The following EXT1 variants were observed in gnomAD, a reference collection of about 807,000 sequenced individuals.
EXT1 encodes the protein exostosin glycosyltransferase 1.
Under a neutral mutation model 82.5 loss-of-function variants are expected in EXT1, and 20 were observed. The observed-to-expected ratio is 0.24, with a 90% CI of 0.17 to 0.35. The LOEUF (loss-of-function observed/expected upper bound fraction) is 0.35. EXT1 is among the 10% of genes least tolerant of loss of function. The pLI is 1.00. For synonymous variants in EXT1, 348 were observed against 350.8 expected (o/e 0.99, Z 0.09); for missense variants, 757 against 936.5 (o/e 0.81, Z 2.50).
chr8:117,909,827 G>C (rs1284344463), intron 1 of EXT1, among the ~76,000 whole-genome samples: 1 of 152,064 alleles, frequency 6.6e-6, no homozygotes, highest in Non-Finnish European at 1.5e-5. Flanking sequence ...GAGTACAATG[G>C]TGCAATCTCA....
At chr8:118,077,876 G>A (rs993372728) in intron 1 of EXT1, among the ~76,000 whole-genome samples, 1 of 151,796 alleles carries the variant, frequency 6.6e-6, no homozygotes, top group African/African-American at 2.4e-5. Context: ...TTATAATTTC[G>A]ATTGTGTTCT....
At chr8:118,087,675 A>C (rs1817447294) in intron 1 of EXT1, among the ~76,000 whole-genome samples, 1 of 152,132 alleles carries the variant, frequency 6.6e-6, no homozygotes. Context: ...CTTTTACTAC[A>C]ACAGAAAAAA....
At chr8:118,044,742 T>C (rs1281228647) in intron 1 of EXT1, among the ~76,000 whole-genome samples, 1 of 152,162 alleles carries the variant, frequency 6.6e-6, no homozygotes, top group Non-Finnish European at 1.5e-5. Context: ...TCTTACTCTA[T>C]TACCCAGGCT....
intron 1 of EXT1, among the ~76,000 whole-genome samples, chr8:118,014,335 CA>C (rs1450548941): frequency 6.6e-6 from 1 of 152,164 alleles, no homozygotes; most frequent in Non-Finnish European, 1.5e-5. Context: ...CCCTTTATCC[CA>C]CCCAAAAAGG....
chr8:117,830,015 C>T (rs980020751), intron 4 of EXT1, among the ~76,000 whole-genome samples: 54 of 152,220 alleles, frequency 3.5e-4, no homozygotes, highest in Middle Eastern at 3.4e-3. Context: ...ATAATTTCTC[C>T]CCATGTAGGT....
At chr8:118,064,960 C>A (rs1816951787) in intron 1 of EXT1, among the ~76,000 whole-genome samples, 1 of 150,570 alleles carries the variant, frequency 6.6e-6, no homozygotes, top group Non-Finnish European at 1.5e-5. Flanking sequence ...TCAAGCGATT[C>A]TCCTGCCTCA....
chr8:117,872,736 G>A (rs1178782591), intron 1 of EXT1, among the ~76,000 whole-genome samples: 1 of 150,476 alleles, frequency 6.6e-6, no homozygotes, highest in African/African-American at 2.4e-5. Context: ...ATGTGTTTTG[G>A]TATCTTATTT....
rs182810310 is a variant in EXT1, at chr8:118,035,943, C to T, written c.962+74142G>A. Among the ~76,000 whole-genome samples, 396 of 152,332 alleles carry T rather than the reference C, an allele frequency of 2.6e-3. 2 individuals carry two copies. Among genetic ancestry groups the T allele is most frequent in the African/African-American group, 9.2e-3 (384 of 41,576 alleles). ...CTTTGACCTGCAGAGATAATTTACT[C>T]ATCTCTCTTCCACTACTGTAACCTA... On this transcript the variant is annotated intron_variant, in intron 1 of 10. Coordinates refer to ENST00000378204, the MANE Select transcript of EXT1 (RefSeq NM_000127.3).
At chr8:117,951,919 T>C (rs1814497827) in intron 1 of EXT1, among the ~76,000 whole-genome samples, 1 of 152,224 alleles carries the variant, frequency 6.6e-6, no homozygotes, top group Non-Finnish European at 1.5e-5. Flanking sequence ...CACTCATTTA[T>C]GTAAGATCTA....
chr8:118,011,936 C>T (rs566765568), intron 1 of EXT1, among the ~76,000 whole-genome samples: 8 of 152,208 alleles, frequency 5.3e-5, no homozygotes, highest in Admixed American at 1.3e-4. Context: ...CTACAGAGAG[C>T]GCGAGAGAAC....
At chr8:117,896,107 C>T (rs1813331189) in intron 1 of EXT1, among the ~76,000 whole-genome samples, 1 of 152,196 alleles carries the variant, frequency 6.6e-6, no homozygotes, top group African/African-American at 2.4e-5. Context: ...TTTCTACCTA[C>T]ACAGAAAACA....
chr8:117,822,189 T>C (rs1234987399), intron 5 of EXT1, among the ~76,000 whole-genome samples: 3 of 152,152 alleles, frequency 2.0e-5, no homozygotes, highest in Non-Finnish European at 4.4e-5. Context: ...ATGTTCAAAA[T>C]GATCCATAAT....
intron 1 of EXT1, among the ~76,000 whole-genome samples, chr8:118,109,641 C>T (rs1817857369): frequency 6.6e-6 from 1 of 152,010 alleles, no homozygotes. Flanking sequence ...TAGGTACCCC[C>T]GCTCATGAGA....
chr8:117,811,254 CT>C (rs1261620181), intron 8 of EXT1, among the ~76,000 whole-genome samples: 10 of 152,212 alleles, frequency 6.6e-5, no homozygotes, highest in Non-Finnish European at 1.3e-4. Flanking sequence ...TCAATAAATA[CT>C]TGTTGAATGA....
intron 1 of EXT1, among the ~76,000 whole-genome samples, chr8:117,965,079 ATTTACTC>A (rs1315186525): frequency 1.3e-5 from 2 of 152,234 alleles, no homozygotes; most frequent in Non-Finnish European, 2.9e-5. Context: ...TTTAACTATA[ATTTACTC>A]TCAATACCCT....
chr8:117,895,797 C>T (rs1813324693), intron 1 of EXT1, among the ~76,000 whole-genome samples: 1 of 152,202 alleles, frequency 6.6e-6, no homozygotes, highest in Non-Finnish European at 1.5e-5. Flanking sequence ...AAACACTAAT[C>T]ATGTCCTCCT....
chr8:117,874,537 C>T (rs920738725), intron 1 of EXT1, among the ~76,000 whole-genome samples: 1 of 137,872 alleles, frequency 7.3e-6, no homozygotes, highest in African/African-American at 2.7e-5. Flanking sequence ...GATCGTGCCA[C>T]TTCACTCCAG....
intron 1 of EXT1, among the ~76,000 whole-genome samples, chr8:118,104,147 G>C (rs1011010141): frequency 2.0e-5 from 3 of 152,142 alleles, no homozygotes; most frequent in Non-Finnish European, 4.4e-5. Flanking sequence ...CTGTAAAATG[G>C]GGATATAACC....
intron 1 of EXT1, among the ~76,000 whole-genome samples, chr8:118,104,732 C>T (rs1456412081): frequency 2.0e-5 from 3 of 152,166 alleles, no homozygotes; most frequent in African/African-American, 7.2e-5. Context: ...ATCCAAAATG[C>T]TCATGTCAGT....
Sources: allele counts gnomAD v4.1 joint callset (sites outside exome capture counted in the v4.1 genomes callset), GRCh38; gene constraint gnomAD v4.1.1; transcripts MANE v1.5; gene names NCBI Gene and HGNC (gene_info 2026-07-23, HGNC 2026-07-21).